VWA8: variants seen among roughly 807,000 people sequenced by gnomAD.
VWA8 encodes the protein von Willebrand factor A domain containing 8, also known as von Willebrand factor A domain-containing protein 8.
VWA8 carries 221 observed loss-of-function variants against 241.5 expected under a neutral mutation model. The observed-to-expected ratio is 0.91, with a 90% confidence interval of 0.82 to 1.02. VWA8 has a LOEUF of 1.02. VWA8 is among the 50% of genes least tolerant of loss of function. The pLI is 0.00. For synonymous variants in VWA8, 852 were observed against 827.1 expected, an observed-to-expected ratio of 1.03 and a Z score of -0.52; for missense variants, 2,322 against 2,328.7, an observed-to-expected ratio of 1.00 and a Z score of 0.06.
intron 2 of VWA8, chr13:41,926,589 C>T (rs116342576): frequency 7.2e-4 from 395 of 547,104 alleles, no homozygotes; most frequent in African/African-American, 6.8e-3. Flanking sequence ...GAGTTCACCA[C>T]CTGCGAGTTC....
chr13:41,877,995 T>C (rs1873980098), intron 9 of VWA8, among the ~76,000 whole-genome samples: 1 of 152,126 alleles, frequency 6.6e-6, no homozygotes, highest in African/African-American at 2.4e-5. Context: ...GTGAATTCTA[T>C]CTGATTGAAT....
chr13:41,740,920 G>A (rs1019346231), intron 21 of VWA8, among the ~76,000 whole-genome samples: 4 of 151,998 alleles, frequency 2.6e-5, no homozygotes, highest in African/African-American at 9.7e-5. Flanking sequence ...AAAAAAACAG[G>A]CATGTTTACA....
At chr13:41,584,344 GA>G (rs1303628170) in intron 42 of VWA8, among the ~76,000 whole-genome samples, 2 of 152,168 alleles carry the variant, frequency 1.3e-5, no homozygotes, top group African/African-American at 4.8e-5. Context: ...TCTGTCTGTG[GA>G]ATGAGGATGG....
At chr13:41,838,613 A>G (rs1019578673) in intron 12 of VWA8, among the ~76,000 whole-genome samples, 1 of 152,222 alleles carries the variant, frequency 6.6e-6, no homozygotes, top group African/African-American at 2.4e-5. Flanking sequence ...GTATTATAAA[A>G]TTAAACATAA....
chr13:41,725,697 C>T (rs1161760953), intron 24 of VWA8, among the ~76,000 whole-genome samples: 1 of 152,098 alleles, frequency 6.6e-6, no homozygotes, highest in Non-Finnish European at 1.5e-5. Flanking sequence ...GGAGACAGAA[C>T]AGGGAGTGAG....
intron 4 of VWA8, among the ~76,000 whole-genome samples, chr13:41,898,374 G>C (rs1875238473): frequency 6.6e-6 from 1 of 151,954 alleles, no homozygotes; most frequent in African/African-American, 2.4e-5. Context: ...GGCCCCACCA[G>C]AGCAGCTAGA....
At chr13:41,596,928 TTC>T (rs1275359235) in intron 40 of VWA8, among the ~76,000 whole-genome samples, 5 of 152,072 alleles carry the variant, frequency 3.3e-5, no homozygotes, top group Non-Finnish European at 7.4e-5. Flanking sequence ...ACTGAAATCA[TTC>T]TGATTAATCT....
intron 21 of VWA8, among the ~76,000 whole-genome samples, chr13:41,746,817 C>T (rs111924514): frequency 0.019 from 2,894 of 152,222 alleles, 94 homozygotes; most frequent in African/African-American, 0.065. Context: ...GAATATGATG[C>T]TAGAATTTTA....
chr13:41,648,363 C>T (rs1055603179), intron 37 of VWA8, among the ~76,000 whole-genome samples: 4 of 152,090 alleles, frequency 2.6e-5, no homozygotes, highest in Non-Finnish European at 4.4e-5. Context: ...TCATACAGAA[C>T]AACTTAGATT....
chr13:41,746,236 G>C (rs923904657), intron 21 of VWA8, among the ~76,000 whole-genome samples: 21 of 152,248 alleles, frequency 1.4e-4, no homozygotes, highest in African/African-American at 4.8e-4. Flanking sequence ...ACACTTGAAA[G>C]GAATGTAGCT....
Position 41,886,802 on chromosome 13 carries a change from C to T in VWA8, c.845G>A (p.Gly282Glu), listed in dbSNP as rs375902474. 164 of 1,592,628 alleles carry T rather than the reference C, an allele frequency of 1.0e-4. No homozygotes were observed. Among genetic ancestry groups the T allele is most frequent in the Middle Eastern group, 6.6e-4 (4 of 6,022 alleles). Residue 282 changes from glycine (G) to glutamate (E), a missense_variant, in exon 7 of 45, where the codon GGA (glycine) becomes GAA (glutamate). Coordinates refer to ENST00000379310, the MANE Select transcript of VWA8 (RefSeq NM_015058.2). ...TTACTTCTCAGCAGAAACATTGGCT[C>T]CAATTGAATATAACAACTTAAGTTG... is the stretch of plus-strand genomic sequence containing the variant. ...KDQLKLLYSIGANVSAEKVSQ... is the reference protein window; with the variant it reads ...KDQLKLLYSIEANVSAEKVSQ...
At chr13:41,575,221 A>C (rs1392809464) in intron 43 of VWA8, among the ~76,000 whole-genome samples, 2 of 152,132 alleles carry the variant, frequency 1.3e-5, no homozygotes, top group African/African-American at 2.4e-5. Context: ...TGAGGACACA[A>C]AGACATAAGA....
intron 37 of VWA8, among the ~76,000 whole-genome samples, chr13:41,642,765 C>T (rs1040942660): frequency 7.3e-5 from 11 of 150,314 alleles, no homozygotes; most frequent in African/African-American, 2.7e-4. Context: ...CCCATCTCTA[C>T]TAAAAATAAG....
At chr13:41,596,804 C>T (rs2044491415) in intron 40 of VWA8, among the ~76,000 whole-genome samples, 1 of 150,818 alleles carries the variant, frequency 6.6e-6, no homozygotes, top group Non-Finnish European at 1.5e-5. Flanking sequence ...CACACACACA[C>T]ACACACACAC....
At chr13:41,784,174 T>C (rs988803610) in intron 18 of VWA8, among the ~76,000 whole-genome samples, 2 of 151,178 alleles carry the variant, frequency 1.3e-5, no homozygotes, top group Admixed American at 6.6e-5. Context: ...AAAACCAGAA[T>C]ACAGTCAAGC....
intron 36 of VWA8, among the ~76,000 whole-genome samples, chr13:41,673,700 A>C (rs1246731484): frequency 3.3e-5 from 5 of 152,324 alleles, no homozygotes; most frequent in Admixed American, 1.3e-4. Flanking sequence ...TTTCACCTTA[A>C]AACAATATTT....
chr13:41,779,340 GA>G (rs1459668258), intron 19 of VWA8, among the ~76,000 whole-genome samples: 1 of 151,168 alleles, frequency 6.6e-6, no homozygotes, highest in Non-Finnish European at 1.5e-5. Context: ...TTCCTTAGAA[GA>G]AAAACTGAGA....
At chr13:41,612,341 C>T (rs9594587) in intron 38 of VWA8, among the ~76,000 whole-genome samples, 2,756 of 152,298 alleles carry the variant, frequency 0.018, 83 homozygotes, top group African/African-American at 0.059. Flanking sequence ...ACTTTGACTT[C>T]TGGTTTGAAC....
intron 23 of VWA8, among the ~76,000 whole-genome samples, chr13:41,728,819 T>G (rs989648439): frequency 2.6e-5 from 4 of 152,112 alleles, no homozygotes; most frequent in African/African-American, 9.7e-5. Flanking sequence ...CCTTACATAC[T>G]CTCTTTGAAT....
Sources: gnomAD v4.1 joint callset for allele counts (sites outside exome capture counted in the v4.1 genomes callset) on GRCh38, gnomAD v4.1.1 for gene constraint, MANE v1.5 for transcripts, NCBI Gene and HGNC (gene_info 2026-07-23, HGNC 2026-07-21) for gene names.